SLC30A8: variants seen among roughly 807,000 people sequenced by gnomAD.
The protein encoded by SLC30A8 is proton-coupled zinc antiporter SLC30A8.
In SLC30A8, 27 loss-of-function variants were observed where a neutral mutation model predicts 36.9. That is an observed-to-expected ratio of 0.73 (90% CI 0.54 to 1.01). The LOEUF (loss-of-function observed/expected upper bound fraction) is 1.01, where lower values mean the gene tolerates loss of function less well. SLC30A8 is among the 50% of genes least tolerant of loss of function. The pLI is 0.00. For synonymous variants in SLC30A8, 164 were observed against 172.4 expected (o/e 0.95, Z 0.38); for missense variants, 439 against 452.0 (o/e 0.97, Z 0.26).
intron 1 of SLC30A8, among the ~76,000 whole-genome samples, chr8:117,140,990 T>G (rs1165768498): frequency 1.3e-5 from 2 of 152,006 alleles, no homozygotes; most frequent in Non-Finnish European, 2.9e-5. Flanking sequence ...TAAGAAGAAA[T>G]AGAAAATCTG....
At chr8:117,127,631 G>C (rs908270771) in intron 2 of SLC30A8, among the ~76,000 whole-genome samples, 1 of 152,028 alleles carries the variant, frequency 6.6e-6, no homozygotes, top group East Asian at 1.9e-4. Flanking sequence ...TTATAAGTTT[G>C]TATCTGTAAT....
At chr8:117,165,121 C>T (rs1413837235) in intron 6 of SLC30A8, among the ~76,000 whole-genome samples, 1 of 152,188 alleles carries the variant, frequency 6.6e-6, no homozygotes, top group African/African-American at 2.4e-5. Flanking sequence ...TTGTATCAGA[C>T]CCACCTCTGT....
intron 2 of SLC30A8, among the ~76,000 whole-genome samples, chr8:117,091,439 C>A (rs1260333873): frequency 6.6e-6 from 1 of 152,084 alleles, no homozygotes; most frequent in African/African-American, 2.4e-5. Flanking sequence ...CTGTGTGTTT[C>A]CCAGGAAGAA....
intron 2 of SLC30A8, among the ~76,000 whole-genome samples, chr8:117,082,362 A>AG (rs1237267722): frequency 6.6e-6 from 1 of 152,212 alleles, no homozygotes; most frequent in Non-Finnish European, 1.5e-5. Context: ...TGATTAAAAG[A>AG]GAAAAAAAAA....
intron 1 of SLC30A8, among the ~76,000 whole-genome samples, chr8:116,965,652 T>C (rs1814576215): frequency 6.6e-6 from 1 of 152,172 alleles, no homozygotes; most frequent in African/African-American, 2.4e-5. Flanking sequence ...CTCCAGCATC[T>C]TCTGAATTAG....
At chr8:117,135,507 T>C in intron 1 of SLC30A8, 109 bp downstream of exon 1, 1 of 670,898 alleles carries the variant, frequency 1.5e-6, no homozygotes, top group Non-Finnish European at 2.4e-6. Context: ...TTGGGGGCAC[T>C]CTGGAACATT....
chr8:116,991,706 C>T (rs570547976), intron 1 of SLC30A8, among the ~76,000 whole-genome samples: 8 of 152,140 alleles, frequency 5.3e-5, no homozygotes, highest in Non-Finnish European at 1.2e-4. Context: ...TTTGCCATGA[C>T]AATAGATAAG....
intron 1 of SLC30A8, among the ~76,000 whole-genome samples, chr8:116,984,959 C>A (rs1037645146): frequency 6.6e-6 from 1 of 151,526 alleles, no homozygotes; most frequent in African/African-American, 2.4e-5. Context: ...ATGAGTTCTC[C>A]CCTTTGGTAT....
At chr8:117,068,386 A>G (rs1026672456) in intron 2 of SLC30A8, among the ~76,000 whole-genome samples, 1 of 152,134 alleles carries the variant, frequency 6.6e-6, no homozygotes, top group Non-Finnish European at 1.5e-5. Flanking sequence ...AATGGGGCAA[A>G]TTTTCTAAAA....
At chr8:117,008,610 C>G (rs1816252498) in intron 1 of SLC30A8, among the ~76,000 whole-genome samples, 1 of 152,182 alleles carries the variant, frequency 6.6e-6, no homozygotes. Flanking sequence ...CTATCTCTGC[C>G]ATCTGAGGTT....
At chr8:116,987,376 G>A (rs1815481431) in intron 1 of SLC30A8, among the ~76,000 whole-genome samples, 1 of 151,896 alleles carries the variant, frequency 6.6e-6, no homozygotes, top group East Asian at 1.9e-4. Context: ...CACCAACATG[G>A]CACATGTATA....
chr8:117,170,766 A>G (rs1294943483), intron 6 of SLC30A8, among the ~76,000 whole-genome samples: 2 of 152,184 alleles, frequency 1.3e-5, no homozygotes, highest in Admixed American at 1.3e-4. Context: ...AGGCACAGTT[A>G]GTTTAATAGT....
intron 2 of SLC30A8, among the ~76,000 whole-genome samples, chr8:117,089,826 T>G (rs1377931299): frequency 6.6e-6 from 1 of 152,134 alleles, no homozygotes; most frequent in African/African-American, 2.4e-5. Flanking sequence ...CTTGCTCACT[T>G]CCTCATGCAC....
chr8:117,047,291 G>A (rs1817583094), intron 2 of SLC30A8, among the ~76,000 whole-genome samples: 1 of 152,152 alleles, frequency 6.6e-6, no homozygotes, highest in South Asian at 2.1e-4. Context: ...TTTTGTACAT[G>A]AGGAAACCAA....
chr8:116,977,127 TTTTC>T (rs369596631), intron 1 of SLC30A8, among the ~76,000 whole-genome samples: 6,140 of 142,912 alleles, frequency 0.043, 499 homozygotes, highest in African/African-American at 0.16. Context: ...TTTTCTTTCT[TTTTC>T]TTTTTCTTGC....
At chr8:117,136,415 T>G (rs1821361085) in intron 1 of SLC30A8, among the ~76,000 whole-genome samples, 2 of 151,938 alleles carry the variant, frequency 1.3e-5, no homozygotes, top group Admixed American at 1.3e-4. Flanking sequence ...GAAGAAGAAT[T>G]TAAGAGAATA....
At chr8:117,029,775 G>A (rs1339024671) in intron 1 of SLC30A8, among the ~76,000 whole-genome samples, 1 of 152,184 alleles carries the variant, frequency 6.6e-6, no homozygotes, top group African/African-American at 2.4e-5. Context: ...TTTGTTTGGA[G>A]TCATCTAACA....
At chr8:117,161,985 TG>T in intron 5 of SLC30A8, 97 bp downstream of exon 5, 3 of 1,097,514 alleles carry the variant, frequency 2.7e-6, no homozygotes, top group Non-Finnish European at 3.9e-6. Flanking sequence ...GGGCATCCTC[TG>T]TTTACCTATA....
intron 2 of SLC30A8, among the ~76,000 whole-genome samples, chr8:117,064,938 CTACTATCCAATAAAGTAAAGACTTGTG>C (rs1262328093): frequency 6.6e-6 from 1 of 152,174 alleles, no homozygotes; most frequent in African/African-American, 2.4e-5. Flanking sequence ...AGCGTTCCCT[CTACTATCCAATAAAGTAAAGACTTGTG>C]AGGAAGATCA....
Sources: gnomAD v4.1 joint callset for allele counts (sites outside exome capture counted in the v4.1 genomes callset) on GRCh38, gnomAD v4.1.1 for gene constraint, MANE v1.5 for transcripts, NCBI Gene and HGNC (gene_info 2026-07-23, HGNC 2026-07-21) for gene names.